CA2: variants seen among roughly 807,000 people sequenced by gnomAD.
CA2 encodes the protein carbonate dehydratase II.
In CA2, 23 loss-of-function variants were observed where a neutral mutation model predicts 27.8. That is an observed-to-expected ratio of 0.83 (90% CI 0.59 to 1.17). CA2 has a LOEUF of 1.17. Among genes scored for constraint, CA2 ranks in the 50% most tolerant of loss-of-function variants. CA2 has a pLI of 0.00. For missense variants in CA2, 300 were observed against 314.7 expected, an observed-to-expected ratio of 0.95 and a Z score of 0.35; for synonymous variants, 99 against 114.9, an observed-to-expected ratio of 0.86 and a Z score of 0.88.
intron 2 of CA2, among the ~76,000 whole-genome samples, chr8:85,473,000 A>G (rs1423434843): frequency 9.4e-6 from 1 of 106,698 alleles, no homozygotes; most frequent in East Asian, 2.7e-4. Flanking sequence ...TTTCAAAATA[A>G]TAATAATAAT....
At chr8:85,476,327 C>T (rs1039335328) in intron 5 of CA2, among the ~76,000 whole-genome samples, 1 of 152,196 alleles carries the variant, frequency 6.6e-6, no homozygotes, top group Non-Finnish European at 1.5e-5. Context: ...TTTAAATCCT[C>T]TCTGCAGCAT....
At chr8:85,464,658 G>A (rs1463219135) in intron 1 of CA2, 2 of 153,162 alleles carry the variant, frequency 1.3e-5, no homozygotes, top group Non-Finnish European at 2.9e-5. Context: ...TCTGATTTCC[G>A]AGTTTTCCCT....
At position 85,473,644 on chromosome 8, in the gene CA2, T is replaced by C. The variant is rs376106033; in HGVS notation, c.233-49T>C. 271 of 873,200 alleles carry C rather than the reference T, an allele frequency of 3.1e-4. 3 individuals carry two copies. The South Asian group carries it at 3.1e-3, about 10-fold the overall frequency. 54.1% of individuals were successfully genotyped at this position (873,200 alleles called of 1,614,324 possible). A position where few individuals can be genotyped will look rare whatever the true frequency, so the allele number is the denominator to read the frequency against. On this transcript the variant is annotated intron_variant, in intron 2 of 6. Transcript: ENST00000285379. ...GTGTATACCTATGTATATATGTGTA[T>C]GCAGATACATACATATATGTTACAT...
At chr8:85,475,547 A>G (rs906763070) in intron 4 of CA2, among the ~76,000 whole-genome samples, 36 of 152,142 alleles carry the variant, frequency 2.4e-4, no homozygotes, top group African/African-American at 8.0e-4. Flanking sequence ...GTTAGAGGTC[A>G]CTGGGGACAA....
Position 85,465,464 on chromosome 8 carries a change from A to T in CA2, c.227A>T (p.Lys76Ile). The change falls in exon 2 of 7, where the codon AAA becomes ATA. Residue 76 changes from lysine (K) to isoleucine (I), a missense_variant. By Grantham distance (102) the Lys-to-Ile change is moderately radical (BLOSUM62 -3). This residue lies in a region of CA2 where 122 missense variants were observed against 133.2 expected (regional missense o/e 0.92). Transcript: ENST00000285379. ...FNVEFDDSQD[K>I]AVLKGGPLDG... Reference sequence around the variant, plus strand: ...GTGGAGTTTGATGACTCTCAGGACAAAGCAGGTCAGTGTTTAGAAAATAAC... The same window carrying T: ...GTGGAGTTTGATGACTCTCAGGACATAGCAGGTCAGTGTTTAGAAAATAAC... 6.2e-7 allele frequency: 1 copy of T among 1,613,448 alleles called. No individual in the cohort carries two copies. Among genetic ancestry groups the T allele is most frequent in the Non-Finnish European group, 8.5e-7 (1 of 1,179,542 alleles).
intron 5 of CA2, among the ~76,000 whole-genome samples, chr8:85,476,085 C>A (rs1037048547): frequency 1.3e-5 from 2 of 152,124 alleles, no homozygotes; most frequent in Non-Finnish European, 2.9e-5. Flanking sequence ...TAATCTTGCT[C>A]CCCCATCATT....
At chr8:85,480,427 T>G (rs73263449) in intron 6 of CA2, among the ~76,000 whole-genome samples, 323 of 142,012 alleles carry the variant, frequency 2.3e-3, no homozygotes, top group Middle Eastern at 3.7e-3. Context: ...TGTTTAATTT[T>G]TGTGTGTGTG....
intron 4 of CA2, among the ~76,000 whole-genome samples, chr8:85,475,582 T>C (rs115489507): frequency 0.012 from 1,846 of 152,154 alleles, 36 homozygotes; most frequent in African/African-American, 0.041. Flanking sequence ...TCAGGACTAC[T>C]CTCTGAGTGG....
At chr8:85,474,212 C>T (rs1811752466) in intron 3 of CA2, 112 bp from the exon 4 acceptor site, 1 of 843,492 alleles carries the variant, frequency 1.2e-6, no homozygotes, top group Non-Finnish European at 2.1e-6. Flanking sequence ...TAAAATTATC[C>T]ATATTTTCAA....
intron 3 of CA2, 175 bp downstream of exon 3, chr8:85,473,986 T>A (rs1205196262): frequency 6.4e-6 from 4 of 625,910 alleles, no homozygotes; most frequent in Non-Finnish European, 1.1e-5. Context: ...TACTTAACGC[T>A]GCAAAACTTT....
At chr8:85,477,341 T>G (rs1056759648) in intron 6 of CA2, 66 bp downstream of exon 6, 8 of 1,575,140 alleles carry the variant, frequency 5.1e-6, no homozygotes, top group Non-Finnish European at 7.0e-6. Context: ...GACCTTGGCC[T>G]CCAGAGTGAG....
intron 1 of CA2, chr8:85,464,745 G>C (rs1811596279): frequency 6.4e-6 from 1 of 155,190 alleles, no homozygotes; most frequent in African/African-American, 2.4e-5. Context: ...CTGGTTCTTC[G>C]GAGCCAGCGG....
chr8:85,477,897 T>C (rs1039678308), intron 6 of CA2, among the ~76,000 whole-genome samples: 1 of 152,206 alleles, frequency 6.6e-6, no homozygotes, highest in African/African-American at 2.4e-5. Flanking sequence ...ACTTACCTCT[T>C]AGCGCACAGT....
rs1033318567 is a variant in CA2, at chr8:85,464,056, G to T, written c.-26G>T. 2 of 1,544,138 alleles carry T rather than the reference G, an allele frequency of 1.3e-6. No individual in the cohort carries two copies. Among genetic ancestry groups the T allele is most frequent in the Admixed American group, 1.9e-5 (1 of 51,326 alleles). On this transcript the variant is annotated 5_prime_UTR_variant, in exon 1 of 7. Coordinates refer to ENST00000285379, the MANE Select transcript of CA2 (RefSeq NM_000067.3). ...CGCCGCCAGATCGGTGCCGATTCCT[G>T]CCCTGCCCCGACCGCCAGCGCGACC...
At chr8:85,465,214 A>G in intron 1 of CA2, 58 bp from the exon 2 acceptor site, 1 of 1,369,926 alleles carries the variant, frequency 7.3e-7, no homozygotes, top group Non-Finnish European at 1.0e-6. Flanking sequence ...GCTCTTCTCT[A>G]GGGGTCTGGG....
chr8:85,472,696 A>C (rs1017050115), intron 2 of CA2, among the ~76,000 whole-genome samples: 2 of 152,168 alleles, frequency 1.3e-5, no homozygotes, highest in Admixed American at 6.5e-5. Context: ...AAAGAGGTTT[A>C]ATAAAAATTT....
Position 85,481,055 on chromosome 8 carries a change from A to G in CA2, c.*266A>G. Reference sequence around the variant, plus strand: ...ATAGGATAAGAAATAAGAATAAAGTACCTTGACTTTGTTCACAGCATGTAG... The same window carrying G: ...ATAGGATAAGAAATAAGAATAAAGTGCCTTGACTTTGTTCACAGCATGTAG... On this transcript the variant is annotated 3_prime_UTR_variant, in exon 7 of 7. Transcript: ENST00000285379. The G allele has an allele frequency of 2.4e-6, 1 of 423,590 alleles. No homozygotes were observed. Among genetic ancestry groups the G allele is most frequent in the African/African-American group, 2.0e-5 (1 of 49,516 alleles). 26.2% of individuals were successfully genotyped at this position (423,590 alleles called of 1,614,324 possible). A position where few individuals can be genotyped will look rare whatever the true frequency, so the allele number is the denominator to read the frequency against.
intron 2 of CA2, among the ~76,000 whole-genome samples, chr8:85,472,372 T>A (rs1349490882): frequency 1.3e-5 from 2 of 152,136 alleles, no homozygotes; most frequent in African/African-American, 4.8e-5. Context: ...CATTAATACA[T>A]ACAAAGTTAG....
At chr8:85,465,887 C>T (rs1212163762) in intron 2 of CA2, among the ~76,000 whole-genome samples, 2 of 151,998 alleles carry the variant, frequency 1.3e-5, no homozygotes, top group African/African-American at 4.8e-5. Context: ...AAGTTAGCAG[C>T]GAGAAGAGTA....
Sources: gnomAD v4.1 joint callset for allele counts (sites outside exome capture counted in the v4.1 genomes callset) on GRCh38, gnomAD v4.1.1 for gene constraint, gnomAD v4.1.1 regional missense constraint, MANE v1.5 for transcripts, NCBI Gene and HGNC (gene_info 2026-07-23, HGNC 2026-07-21) for gene names.